The following NEDD4L variants were observed in gnomAD, a reference collection of about 807,000 sequenced individuals.
NEDD4L encodes the protein E3 ubiquitin-protein ligase NEDD4-like.
In NEDD4L, 54 loss-of-function variants were observed where a neutral mutation model predicts 148.9. The observed-to-expected ratio is 0.36, with a 90% CI of 0.29 to 0.45. The LOEUF is 0.45. Among genes scored for constraint, NEDD4L ranks in the 20% least tolerant of loss-of-function variants. The pLI, the probability that NEDD4L is intolerant of heterozygous loss-of-function variation, is 1.00. For missense variants in NEDD4L, 856 were observed against 1,233.8 expected, an observed-to-expected ratio of 0.69 and a Z score of 4.59; for synonymous variants, 433 against 440.7, an observed-to-expected ratio of 0.98 and a Z score of 0.22.
chr18:58,370,568 G>T, intron 23 of NEDD4L, 101 bp downstream of exon 23: 1 of 764,586 alleles, frequency 1.3e-6, no homozygotes, highest in South Asian at 1.4e-5. Flanking sequence ...TTTTATGGGT[G>T]TTGCATTCCA....
chr18:58,367,999 A>C (rs1226061285), intron 22 of NEDD4L, 132 bp downstream of exon 22: 4 of 967,110 alleles, frequency 4.1e-6, no homozygotes, highest in Non-Finnish European at 6.0e-6. Flanking sequence ...TGTTTTGCCC[A>C]TAATGGATGT....
At chr18:58,321,583 C>T (rs779182236) in intron 6 of NEDD4L, among the ~76,000 whole-genome samples, 6 of 152,236 alleles carry the variant, frequency 3.9e-5, no homozygotes, top group Non-Finnish European at 7.3e-5. Flanking sequence ...CAGAGAATGA[C>T]ATAAACAGAT....
chr18:58,387,435 TCA>T lies in NEDD4L; in HGVS notation c.2488-3_2488-2del. 5 of 1,539,420 alleles carry T rather than the reference TCA, an allele frequency of 3.2e-6. No individual in the cohort carries two copies. Among genetic ancestry groups the T allele is most frequent in the East Asian group, 2.3e-5 (1 of 43,376 alleles). On this transcript the variant is annotated splice_acceptor_variant and splice_polypyrimidine_tract_variant and intron_variant, in intron 26 of 30. Coordinates refer to ENST00000400345, the MANE Select transcript of NEDD4L (RefSeq NM_001144967.3). LOFTEE classifies it high-confidence loss of function. ...GTTTAAGATGTTTTTTTTTTTTCTT[TCA>T]GGGATTCACAGAACTACTTCCTATT...
chr18:58,364,286 G>C lies in NEDD4L; in HGVS notation c.1786G>C (p.Glu596Gln), dbSNP rs1253068633. 6.4e-7 allele frequency: 1 copy of C among 1,557,346 alleles called. No homozygotes were observed. The highest frequency in any genetic ancestry group is 1.9e-5 in the Admixed American group (1 of 53,010). ...CTTCCAGGCTGTCCCTTACTCCAGA[G>C]AATTTAAGCAGAAATATGACTACTT... ...ITGPAVPYSREFKQKYDYFRK... is the reference protein window; with the variant it reads ...ITGPAVPYSRQFKQKYDYFRK... The change falls in exon 20 of 31, where the codon GAA becomes CAA. Residue 596 changes from glutamate to glutamine, a missense_variant. Transcript: ENST00000400345.
chr18:58,231,092 T>TA (rs201520170), intron 2 of NEDD4L, among the ~76,000 whole-genome samples: 1 of 149,472 alleles, frequency 6.7e-6, no homozygotes, highest in African/African-American at 2.5e-5. Flanking sequence ...CTACAAAAAT[T>TA]AAAAAAAAAT....
intron 26 of NEDD4L, among the ~76,000 whole-genome samples, chr18:58,386,937 C>T (rs2049111622): frequency 1.2e-4 from 18 of 152,214 alleles, no homozygotes; most frequent in Admixed American, 1.1e-3. Context: ...GTTCGCAGCG[C>T]GCAGGGCCCA....
At chr18:58,244,530 A>T (rs559706074) in intron 2 of NEDD4L, among the ~76,000 whole-genome samples, 1 of 152,344 alleles carries the variant, frequency 6.6e-6, no homozygotes, top group South Asian at 2.1e-4. Context: ...GATTAAAGAT[A>T]ATGTGATGTG....
intron 2 of NEDD4L, among the ~76,000 whole-genome samples, chr18:58,210,700 C>T (rs2042519183): frequency 6.6e-6 from 1 of 152,098 alleles, no homozygotes; most frequent in South Asian, 2.1e-4. Context: ...TATTTTTACT[C>T]TTCCAGGACA....
At chr18:58,195,820 A>G in intron 2 of NEDD4L, 1 of 813,352 alleles carries the variant, frequency 1.2e-6, no homozygotes, top group Non-Finnish European at 1.9e-6. Flanking sequence ...TGAATCCATT[A>G]GCTTTAACCC....
At chr18:58,069,818 A>C (rs923624261) in intron 1 of NEDD4L, among the ~76,000 whole-genome samples, 1 of 152,228 alleles carries the variant, frequency 6.6e-6, no homozygotes, top group Non-Finnish European at 1.5e-5. Context: ...ATTTCTAGCA[A>C]TCTGAGGAAT....
intron 2 of NEDD4L, among the ~76,000 whole-genome samples, chr18:58,175,773 A>AT (rs1360482668): frequency 6.6e-6 from 1 of 152,258 alleles, no homozygotes; most frequent in Non-Finnish European, 1.5e-5. Context: ...GCAAATATAG[A>AT]TAAAAACCTC....
intron 2 of NEDD4L, among the ~76,000 whole-genome samples, chr18:58,198,243 C>G (rs369359713): frequency 1.3e-5 from 2 of 152,244 alleles, no homozygotes; most frequent in African/African-American, 4.8e-5. Context: ...TAAGAAACAA[C>G]TTTTAAAACC....
chr18:58,385,636 C>CG, intron 26 of NEDD4L, 50 bp downstream of exon 26: 3 of 1,444,436 alleles, frequency 2.1e-6, no homozygotes, highest in Non-Finnish European at 2.9e-6. Context: ...GGTCCCGGGT[C>CG]GATGGGGGAT....
chr18:58,179,907 A>G (rs1307366014), intron 2 of NEDD4L, among the ~76,000 whole-genome samples: 1 of 151,698 alleles, frequency 6.6e-6, no homozygotes, highest in Non-Finnish European at 1.5e-5. Context: ...CAAACCATCC[A>G]CCCCACTCCT....
intron 24 of NEDD4L, among the ~76,000 whole-genome samples, chr18:58,377,180 T>C (rs1000472438): frequency 6.6e-6 from 1 of 152,198 alleles, no homozygotes; most frequent in Non-Finnish European, 1.5e-5. Flanking sequence ...TGGGTACTTG[T>C]AGTTGTTGAT....
intron 2 of NEDD4L, among the ~76,000 whole-genome samples, chr18:58,242,884 G>T (rs2046812687): frequency 6.6e-6 from 1 of 152,154 alleles, no homozygotes; most frequent in South Asian, 2.1e-4. Flanking sequence ...TCTTCAGGCT[G>T]AACTCTCTTT....
chr18:58,254,596 T>C (rs1385781523), intron 5 of NEDD4L, among the ~76,000 whole-genome samples: 1 of 151,858 alleles, frequency 6.6e-6, no homozygotes, highest in African/African-American at 2.4e-5. Context: ...CACTCCCTTC[T>C]TCAATTTTCC....
At chr18:58,198,991 C>T (rs972495124) in intron 2 of NEDD4L, among the ~76,000 whole-genome samples, 1 of 152,146 alleles carries the variant, frequency 6.6e-6, no homozygotes, top group Non-Finnish European at 1.5e-5. Context: ...GGGGTTTTGC[C>T]ATGTTGGCCA....
intron 2 of NEDD4L, among the ~76,000 whole-genome samples, chr18:58,198,609 A>G (rs1599619356): frequency 6.6e-6 from 1 of 152,296 alleles, no homozygotes; most frequent in East Asian, 1.9e-4. Flanking sequence ...GTTCTGTCTC[A>G]TGCTTATTGG....
Sources: gnomAD v4.1 joint callset for allele counts (sites outside exome capture counted in the v4.1 genomes callset) on GRCh38, gnomAD v4.1.1 for gene constraint, MANE v1.5 for transcripts, NCBI Gene and HGNC (gene_info 2026-07-23, HGNC 2026-07-21) for gene names.